The following ATP10B variants were observed in gnomAD, a reference collection of about 807,000 sequenced individuals.
The protein encoded by ATP10B is phospholipid-transporting ATPase VB.
Under a neutral mutation model 141.2 loss-of-function variants are expected in ATP10B, and 122 were observed. That is an observed-to-expected ratio of 0.86 (90% CI 0.75 to 1.00). The LOEUF (loss-of-function observed/expected upper bound fraction) is 1.00. Ranked by LOEUF, ATP10B falls within the 50% of genes least tolerant of loss-of-function variation. The pLI is 0.00. For missense variants in ATP10B, 1,876 were observed against 1,825.3 expected (o/e 1.03, Z -0.51); for synonymous variants, 685 against 692.0 (o/e 0.99, Z 0.16).
intron 3 of ATP10B, among the ~76,000 whole-genome samples, chr5:160,702,833 C>T (rs1764755465): frequency 1.3e-5 from 2 of 152,112 alleles, no homozygotes; most frequent in East Asian, 3.9e-4. Context: ...CCCAGTAGAA[C>T]CAAGGTACAC....
At chr5:160,588,646 G>A (rs889807565) in intron 24 of ATP10B, among the ~76,000 whole-genome samples, 1 of 152,068 alleles carries the variant, frequency 6.6e-6, no homozygotes, top group Admixed American at 6.5e-5. Flanking sequence ...CTGCTTGGGG[G>A]CAAGTTAAAC....
intron 1 of ATP10B, among the ~76,000 whole-genome samples, chr5:160,811,957 CTG>C (rs988000377): frequency 6.6e-6 from 1 of 151,182 alleles, no homozygotes; most frequent in African/African-American, 2.4e-5. Context: ...ACAGGGGTGC[CTG>C]TGTTACTCCA....
intron 3 of ATP10B, among the ~76,000 whole-genome samples, chr5:160,702,760 C>G (rs1324520536): frequency 6.6e-6 from 1 of 152,120 alleles, no homozygotes; most frequent in African/African-American, 2.4e-5. Context: ...GTTCTTAACT[C>G]TGTTCAGGAG....
chr5:160,649,624 T>TG (rs1474705421), intron 7 of ATP10B, among the ~76,000 whole-genome samples: 1 of 152,212 alleles, frequency 6.6e-6, no homozygotes, highest in Non-Finnish European at 1.5e-5. Flanking sequence ...ATTTGAAGTG[T>TG]GGTAGTTTGA....
chr5:160,610,094 T>C (rs1257340623), intron 18 of ATP10B, among the ~76,000 whole-genome samples: 1 of 152,198 alleles, frequency 6.6e-6, no homozygotes, highest in Non-Finnish European at 1.5e-5. Flanking sequence ...ATTCATGCCC[T>C]TGTGTAATCT....
intron 13 of ATP10B, among the ~76,000 whole-genome samples, chr5:160,631,823 C>A (rs187917834): frequency 1.1e-4 from 16 of 152,300 alleles, no homozygotes; most frequent in Non-Finnish European, 1.8e-4. Flanking sequence ...CCTCTCAACC[C>A]AAGCCAGTTG....
chr5:160,593,196 G>T (rs1479422886), intron 22 of ATP10B, among the ~76,000 whole-genome samples: 1 of 152,190 alleles, frequency 6.6e-6, no homozygotes, highest in Non-Finnish European at 1.5e-5. Context: ...ACCTCACATG[G>T]CCGGGTACTT....
At chr5:160,701,127 C>T (rs1339041835) in intron 3 of ATP10B, among the ~76,000 whole-genome samples, 1 of 152,086 alleles carries the variant, frequency 6.6e-6, no homozygotes, top group African/African-American at 2.4e-5. Flanking sequence ...GTTTTGCCCC[C>T]TCTAGTCTCT....
intron 7 of ATP10B, among the ~76,000 whole-genome samples, chr5:160,652,958 T>TAAAC (rs1760975019): frequency 4.7e-5 from 4 of 84,842 alleles, no homozygotes; most frequent in African/African-American, 2.4e-4. Context: ...ATATATTATA[T>TAAAC]ATACATGTAT....
At chr5:160,597,900 G>A (rs1561639901) in intron 22 of ATP10B, among the ~76,000 whole-genome samples, 4 of 151,790 alleles carry the variant, frequency 2.6e-5, no homozygotes. Flanking sequence ...AACAACAGAT[G>A]CTGGAGAGGA....
chr5:160,624,229 G>A (rs1364871915), intron 13 of ATP10B, among the ~76,000 whole-genome samples: 2 of 152,178 alleles, frequency 1.3e-5, no homozygotes, highest in Non-Finnish European at 2.9e-5. Flanking sequence ...CATGGGAAAA[G>A]AGCCCTCAGA....
intron 2 of ATP10B, among the ~76,000 whole-genome samples, chr5:160,753,722 T>C (rs756418624): frequency 8.5e-5 from 13 of 152,336 alleles, no homozygotes; most frequent in Middle Eastern, 3.4e-3. Flanking sequence ...CTAACATTTA[T>C]TGAGTCCCCA....
intron 2 of ATP10B, among the ~76,000 whole-genome samples, chr5:160,743,126 G>A (rs112401911): frequency 4.6e-5 from 7 of 152,182 alleles, no homozygotes; most frequent in Non-Finnish European, 8.8e-5. Flanking sequence ...TGGCATTATC[G>A]CTGCCCCATT....
chr5:160,608,293 T>C (rs549344674), intron 18 of ATP10B, among the ~76,000 whole-genome samples: 1 of 152,334 alleles, frequency 6.6e-6, no homozygotes, highest in South Asian at 2.1e-4. Context: ...TATTCCATGG[T>C]GTATATGTGC....
Position 160,767,635 on chromosome 5 carries a change from A to ACCG in ATP10B, c.-331+17923_-331+17924insCGG, listed in dbSNP as rs1554113838. Among the ~76,000 whole-genome samples the ACCG allele has an allele frequency of 4.2e-4, 36 of 86,718 alleles. 1 individual carries two copies. The highest frequency in any genetic ancestry group is 1.3e-3 in the African/African-American group (36 of 26,764). 56.9% of individuals were successfully genotyped at this position (86,718 alleles called of 152,430 possible). ...ATGGTGTGAGGGTCATGTGTGCAGA[A>ACCG]CCCCCCCCCCCAAAATAACAGGTTA... is the stretch of plus-strand genomic sequence containing the variant. On this transcript the variant is annotated intron_variant, in intron 2 of 25. Transcript: ENST00000327245.
intron 3 of ATP10B, among the ~76,000 whole-genome samples, chr5:160,690,435 G>T (rs1425819325): frequency 6.6e-6 from 1 of 152,162 alleles, no homozygotes; most frequent in Non-Finnish European, 1.5e-5. Context: ...CAGAATGGGA[G>T]AAAATTTTTG....
the ATP10B span, among the ~76,000 whole-genome samples, chr5:160,874,350 A>C: frequency 6.0e-3 from 918 of 152,238 alleles, 15 homozygotes; most frequent in African/African-American, 0.021. Context: ...AAACTAACAA[A>C]CAGAAAGGAC....
At chr5:160,868,077 C>T in the ATP10B span, among the ~76,000 whole-genome samples, 5 of 152,030 alleles carry the variant, frequency 3.3e-5, no homozygotes, top group African/African-American at 1.2e-4. Flanking sequence ...GCAAGGGGAG[C>T]GTTAAGCCTG....
chr5:160,653,068 G>GTATATATAGTGTATATATTA (rs1421387838), intron 7 of ATP10B, among the ~76,000 whole-genome samples: 1 of 106,692 alleles, frequency 9.4e-6, no homozygotes, highest in Non-Finnish European at 1.8e-5. Flanking sequence ...ATATATTTAT[G>GTATATATAGTGTATATATTA]TATATATAGT....
Sources: allele counts gnomAD v4.1 joint callset (sites outside exome capture counted in the v4.1 genomes callset), GRCh38; gene constraint gnomAD v4.1.1; transcripts MANE v1.5; gene names NCBI Gene and HGNC (gene_info 2026-07-23, HGNC 2026-07-21).